The following COPA variants were observed in gnomAD, a reference collection of about 807,000 sequenced individuals.
COPA encodes the protein coat protein complex I subunit alpha, also known as coatomer subunit alpha.
A neutral mutation model predicts 158.7 loss-of-function variants in COPA; 10 were observed. The ratio of observed to expected loss-of-function variants is 0.06; its 90% CI spans 0.04 to 0.11. The LOEUF (loss-of-function observed/expected upper bound fraction) is 0.11. Ranked by LOEUF, COPA falls within the 10% of genes least tolerant of loss-of-function variation. COPA has a pLI of 1.00. For synonymous variants in COPA, 462 were observed against 542.8 expected (o/e 0.85, Z 2.07); for missense variants, 1,065 against 1,536.7 (o/e 0.69, Z 5.13).
At position 160,323,485 on chromosome 1, in the gene COPA, G is replaced by C; in HGVS notation, c.652C>G (p.Pro218Ala). The C allele has an allele frequency of 6.2e-7, 1 of 1,610,790 alleles. No homozygotes were observed. The highest frequency in any genetic ancestry group is 8.5e-7 in the Non-Finnish European group (1 of 1,178,022). ...VNWAAFHPTM[P>A]LIVSGADDRQ... ...TCATCTGCCCCAGATACAATAAGGG[G>C]CATAGTGGGGTGGAAGGCAGCCCAG... The change falls in exon 8 of 33, where the codon CCC becomes GCC. Residue 218 changes from proline (P) to alanine (A), a missense_variant. Pro to Ala is a conservative substitution (Grantham distance 27). This residue lies in a region of COPA where 980 missense variants were observed against 1,357.8 expected (regional missense o/e 0.72). Coordinates refer to ENST00000241704, the MANE Select transcript of COPA (RefSeq NM_004371.4).
chr1:160,313,036 T>G, intron 10 of COPA, 49 bp downstream of exon 10: 1 of 1,528,818 alleles, frequency 6.5e-7, no homozygotes, highest in South Asian at 1.1e-5. Context: ...CTTTCAAGAC[T>G]TATAAACTTT....
At chr1:160,309,462 G>C (rs1376524645) in intron 12 of COPA, among the ~76,000 whole-genome samples, 1 of 151,358 alleles carries the variant, frequency 6.6e-6, no homozygotes, top group Admixed American at 6.6e-5. Context: ...CAAATTAACA[G>C]ACTAGGACCC....
intron 17 of COPA, among the ~76,000 whole-genome samples, chr1:160,302,126 T>G (rs1406682853): frequency 3.3e-5 from 5 of 152,154 alleles, no homozygotes; most frequent in African/African-American, 1.2e-4. Context: ...CTATGATTAT[T>G]TGTAAAGGAA....
chr1:160,322,989 G>GCGCACACACA (rs1553206131), intron 8 of COPA, among the ~76,000 whole-genome samples: 2 of 145,410 alleles, frequency 1.4e-5, no homozygotes, highest in East Asian at 2.1e-4. Context: ...ACGCGCACGT[G>GCGCACACACA]CACACACACA....
At chr1:160,293,655 T>C (rs1431701011) in intron 25 of COPA, among the ~76,000 whole-genome samples, 192 bp from the exon 26 acceptor site, 1 of 151,932 alleles carries the variant, frequency 6.6e-6, no homozygotes, top group African/African-American at 2.4e-5. Context: ...TCACCACACC[T>C]GGCTAATTTT....
intron 6 of COPA, among the ~76,000 whole-genome samples, chr1:160,327,815 G>A (rs1319661838): frequency 7.3e-5 from 11 of 150,764 alleles, no homozygotes; most frequent in Non-Finnish European, 1.5e-4. Context: ...CTGAGATCCC[G>A]CCACTGCACT....
intron 3 of COPA, among the ~76,000 whole-genome samples, chr1:160,337,157 T>C (rs1647809192): frequency 6.6e-6 from 1 of 152,196 alleles, no homozygotes; most frequent in Admixed American, 6.5e-5. Flanking sequence ...ACTTTCATAT[T>C]TCTAGTTTCA....
intron 17 of COPA, 86 bp from the exon 18 acceptor site, chr1:160,299,350 T>C: frequency 7.5e-7 from 1 of 1,330,326 alleles, no homozygotes; most frequent in Non-Finnish European, 1.0e-6. Flanking sequence ...AACGGTCTTT[T>C]GTCAAGTGCC....
Position 160,292,029 on chromosome 1 carries a change from T to G in COPA, c.3130A>C (p.Lys1044Gln), listed in dbSNP as rs746879914. ...LSVPLLVVDN[K>Q]QEIAEAQQLI... ...CCTCCTACCTCTGCAATCTCTTGTT[T>G]ATTGTCCACAACAAGAAGTGGCACA... Residue 1044 changes from lysine (K) to glutamine (Q), a missense_variant, in exon 29 of 33, where the codon AAA becomes CAA. Coordinates refer to ENST00000241704, the MANE Select transcript of COPA (RefSeq NM_004371.4). 6.2e-7 allele frequency: 1 copy of G among 1,614,196 alleles called. No individual in the cohort carries two copies. The highest frequency in any genetic ancestry group is 8.5e-7 in the Non-Finnish European group (1 of 1,180,024).
intron 3 of COPA, among the ~76,000 whole-genome samples, chr1:160,335,925 A>G (rs1647738768): frequency 6.6e-6 from 1 of 151,196 alleles, no homozygotes; most frequent in South Asian, 2.1e-4. Flanking sequence ...TTCTTTGGGA[A>G]GAAGCCATCT....
At chr1:160,294,906 G>T in intron 23 of COPA, 49 bp from the exon 24 acceptor site, 1 of 1,528,626 alleles carries the variant, frequency 6.5e-7, no homozygotes, top group Non-Finnish European at 9.1e-7. Context: ...CAGCAAGTCT[G>T]AGATACGGCC....
At position 160,305,464 on chromosome 1, in the gene COPA, T is replaced by C. The variant is rs1658752194; in HGVS notation, c.1636A>G (p.Ser546Gly). 2 of 1,614,220 alleles carry C rather than the reference T, an allele frequency of 1.2e-6. No individual in the cohort carries two copies. Among genetic ancestry groups the C allele is most frequent in the Non-Finnish European group, 1.7e-6 (2 of 1,180,038 alleles). Residue 546 changes from serine to glycine, a missense_variant, in exon 17 of 33, where the codon AGC becomes GGC. By Grantham distance (56) the Ser-to-Gly change is moderately conservative. Around this residue, in one of 2 missense-constraint regions of COPA, gnomAD observed 980 missense variants for 1,357.8 expected, o/e 0.72. Transcript: ENST00000241704. ...GTGACAGCATATTTGATGTGGTTGC[T>C]TGTGGTATAGATAAATACCCCACTC... ...DESGVFIYTT[S>G]NHIKYAVTTG...
At chr1:160,306,560 T>C in intron 14 of COPA, 67 bp from the exon 15 acceptor site, 1 of 1,582,138 alleles carries the variant, frequency 6.3e-7, no homozygotes, top group South Asian at 1.1e-5. Flanking sequence ...CAACTGATGA[T>C]GTTCCTCAGC....
At chr1:160,312,112 A>G in intron 10 of COPA, 94 bp from the exon 11 acceptor site, 5 of 1,268,950 alleles carry the variant, frequency 3.9e-6, no homozygotes, top group Non-Finnish European at 5.5e-6. Context: ...TTATATCTGT[A>G]AGACAAGACA....
At chr1:160,334,527 T>G (rs370452707) in intron 4 of COPA, among the ~76,000 whole-genome samples, 6 of 152,286 alleles carry the variant, frequency 3.9e-5, no homozygotes, top group African/African-American at 7.2e-5. Flanking sequence ...TTCTCTCCTA[T>G]CCTAGAATTT....
chr1:160,343,234 G>T lies in COPA; in HGVS notation c.-64C>A. The T allele has an allele frequency of 6.2e-7, 1 of 1,603,942 alleles. No individual in the cohort carries two copies. Among genetic ancestry groups the T allele is most frequent in the Admixed American group, 1.7e-5 (1 of 60,000 alleles). On this transcript the variant is annotated 5_prime_UTR_variant, in exon 1 of 33. Coordinates refer to ENST00000241704, the MANE Select transcript of COPA (RefSeq NM_004371.4). ...CGACACACCCTGCTGCCCTTCGGAC[G>T]CCTCCACGTCAGCGACCCTCTCCCG...
chr1:160,305,494 C>G lies in COPA; in HGVS notation c.1606G>C (p.Asp536His). Residue 536 changes from aspartate (D) to histidine (H), a missense_variant, in exon 17 of 33, where the codon GAT becomes CAT. Asp to His is a moderately conservative substitution (Grantham distance 81, BLOSUM62 -1). This residue lies in a region of COPA where 980 missense variants were observed against 1,357.8 expected (regional missense o/e 0.72). Coordinates refer to ENST00000241704, the MANE Select transcript of COPA (RefSeq NM_004371.4). ...GTATAGATAAATACCCCACTCTCATCCCAGGCCCCACTCTTGACACGAATG... is the reference window on the plus strand; with the variant it reads ...GTATAGATAAATACCCCACTCTCATGCCAGGCCCCACTCTTGACACGAATG... ...ENIRVKSGAW[D>H]ESGVFIYTTS... The G allele has an allele frequency of 6.2e-7, 1 of 1,614,174 alleles. No individual in the cohort carries two copies. The highest frequency in any genetic ancestry group is 8.5e-7 in the Non-Finnish European group (1 of 1,180,032).
At position 160,295,731 on chromosome 1, in the gene COPA, C is replaced by T. The variant is rs779765364; in HGVS notation, c.2476+5G>A. 3.1e-6 allele frequency: 5 copies of T among 1,600,636 alleles called. No homozygotes were observed. The Admixed American group carries it at 5.3e-5, about 17-fold the overall frequency. ...AAAAGTGCTATGGGAGAAATAGGTACTTACCTTTGCTGGCAATGGTGCCTT... is the reference window on the plus strand; with the variant it reads ...AAAAGTGCTATGGGAGAAATAGGTATTTACCTTTGCTGGCAATGGTGCCTT... On this transcript the variant is annotated splice_donor_5th_base_variant and intron_variant, in intron 23 of 32. Transcript: ENST00000241704.
chr1:160,325,652 C>T lies in COPA; in HGVS notation c.497G>A (p.Gly166Asp). The T allele has an allele frequency of 6.2e-7, 1 of 1,611,836 alleles. No individual in the cohort carries two copies. The highest frequency in any genetic ancestry group is 8.5e-7 in the Non-Finnish European group (1 of 1,178,070). ...DQTVRVWDISGLRKKNLSPGA... is the reference protein window; with the variant it reads ...DQTVRVWDISDLRKKNLSPGA... ...AGGGGACAGGTTTTTTTTCCTCAGA[C>T]CTTTGAAGGGATAAGGAGTGGGATG... Residue 166 changes from glycine (G) to aspartate (D), a missense_variant and splice_region_variant, in exon 7 of 33, where the codon GGT (glycine) becomes GAT (aspartate). Coordinates refer to ENST00000241704, the MANE Select transcript of COPA (RefSeq NM_004371.4).
Sources: gnomAD v4.1 joint callset for allele counts (sites outside exome capture counted in the v4.1 genomes callset) on GRCh38, gnomAD v4.1.1 for gene constraint, gnomAD v4.1.1 regional missense constraint, MANE v1.5 for transcripts, NCBI Gene and HGNC (gene_info 2026-07-23, HGNC 2026-07-21) for gene names.